The following ELF2 variants were observed in gnomAD, a reference collection of about 807,000 sequenced individuals.
ELF2 encodes the protein ETS-related transcription factor Elf-2.
In ELF2, 11 loss-of-function variants were observed where a neutral mutation model predicts 54.8. The ratio of observed to expected loss-of-function variants is 0.20; its 90% CI spans 0.13 to 0.33. ELF2 has a LOEUF of 0.33. Ranked by LOEUF, ELF2 falls within the 10% of genes least tolerant of loss-of-function variation. The pLI, the probability that ELF2 is intolerant of heterozygous loss-of-function variation, is 1.00. For synonymous variants in ELF2, 203 were observed against 245.1 expected (o/e 0.83, Z 1.61); for missense variants, 513 against 703.0 (o/e 0.73, Z 3.06).
chr4:139,169,272 C>A (rs933775761), intron 1 of ELF2, among the ~76,000 whole-genome samples: 1 of 148,810 alleles, frequency 6.7e-6, no homozygotes, highest in Non-Finnish European at 1.5e-5. Context: ...CACTTGAACC[C>A]GGGAGGCAGA....
At chr4:139,119,081 A>T (rs947733941) in intron 4 of ELF2, among the ~76,000 whole-genome samples, 3 of 152,220 alleles carry the variant, frequency 2.0e-5, no homozygotes, top group African/African-American at 7.2e-5. Context: ...ATCATATTTG[A>T]CTACTCTTTG....
At chr4:139,108,625 C>T (rs1487087005) in intron 4 of ELF2, among the ~76,000 whole-genome samples, 1 of 151,854 alleles carries the variant, frequency 6.6e-6, no homozygotes, top group African/African-American at 2.4e-5. Flanking sequence ...AAATTCTGTG[C>T]TTTCTAAAAA....
At chr4:139,143,296 A>T (rs1221977848) in intron 1 of ELF2, among the ~76,000 whole-genome samples, 1 of 152,176 alleles carries the variant, frequency 6.6e-6, no homozygotes, top group South Asian at 2.1e-4. Context: ...AATATCAGAG[A>T]TCTGTGCTCT....
At position 139,058,579 on chromosome 4, in the gene ELF2, T is replaced by C. The variant is rs1201379946; in HGVS notation, c.*404A>G. The C allele has an allele frequency of 6.0e-6, 1 of 165,712 alleles. No individual in the cohort carries two copies. Among genetic ancestry groups the C allele is most frequent in the Non-Finnish European group, 1.3e-5 (1 of 76,634 alleles). The allele number at this position is 165,712 out of a possible 1,614,324, so 10.3% of individuals were successfully genotyped here. ...GTGCGAACACAGTAATAATTGCTGG[T>C]ATGCATATAAAATGCATCAAAAATT... On this transcript the variant is annotated 3_prime_UTR_variant, in exon 10 of 10. Coordinates refer to ENST00000686138, the MANE Select transcript of ELF2 (RefSeq NM_001331036.3).
chr4:139,157,604 T>C (rs1192171908), intron 1 of ELF2, among the ~76,000 whole-genome samples: 1 of 152,056 alleles, frequency 6.6e-6, no homozygotes, highest in Non-Finnish European at 1.5e-5. Flanking sequence ...AGGGTCTCAT[T>C]TGTTGCCCAG....
intron 6 of ELF2, 128 bp from the exon 7 acceptor site, chr4:139,067,898 G>A: frequency 3.5e-6 from 3 of 852,746 alleles, no homozygotes; most frequent in East Asian, 5.1e-5. Context: ...TATACTCTAT[G>A]AAAAGCTGCT....
chr4:139,118,787 TG>T (rs1204711681), intron 4 of ELF2, among the ~76,000 whole-genome samples: 1 of 152,204 alleles, frequency 6.6e-6, no homozygotes, highest in African/African-American at 2.4e-5. Flanking sequence ...TGTCTATACT[TG>T]AAGTCACAGG....
At chr4:139,125,358 A>C (rs1312460544) in intron 3 of ELF2, 29 bp from the exon 4 acceptor site, 3 of 1,596,404 alleles carry the variant, frequency 1.9e-6, no homozygotes, top group Non-Finnish European at 2.6e-6. Flanking sequence ...AGAACAATCA[A>C]CCTTTGTATT....
chr4:139,123,323 A>G (rs985030771), intron 4 of ELF2, among the ~76,000 whole-genome samples: 3 of 152,172 alleles, frequency 2.0e-5, no homozygotes, highest in Non-Finnish European at 4.4e-5. Flanking sequence ...ATTATCAAAT[A>G]TTCAAAAACC....
At chr4:139,174,547 T>C (rs866238745) in intron 1 of ELF2, among the ~76,000 whole-genome samples, 1 of 152,082 alleles carries the variant, frequency 6.6e-6, no homozygotes, top group Non-Finnish European at 1.5e-5. Context: ...CGGCCCTCCA[T>C]ATCCATGAGT....
At chr4:139,101,402 G>T (rs1016377900) in intron 4 of ELF2, among the ~76,000 whole-genome samples, 2 of 152,198 alleles carry the variant, frequency 1.3e-5, no homozygotes, top group African/African-American at 4.8e-5. Context: ...ATAAGCACAA[G>T]AATTCAGTCT....
rs201421889 is a variant in ELF2, at chr4:139,084,212, G to A, written c.239-10645C>T. On this transcript the variant is annotated intron_variant, in intron 4 of 9. Coordinates refer to ENST00000686138, the MANE Select transcript of ELF2 (RefSeq NM_001331036.3). ...CCATGTTTATCCCGGGGCTGGAGCT[G>A]CTGCTTCACATTGACTTACACCGTG... The A allele has an allele frequency of 3.0e-4, 489 of 1,612,698 alleles. No individual in the cohort carries two copies. The African/African-American group carries it at 5.9e-3, about 19-fold the overall frequency.
intron 5 of ELF2, 94 bp from the exon 6 acceptor site, chr4:139,072,133 G>T: frequency 7.9e-7 from 1 of 1,261,632 alleles, no homozygotes; most frequent in Non-Finnish European, 1.1e-6. Context: ...GGTGTGTTAA[G>T]AATTAATCAA....
At chr4:139,137,278 T>A (rs1041873933) in intron 3 of ELF2, 11 of 206,482 alleles carry the variant, frequency 5.3e-5, no homozygotes, top group African/African-American at 2.1e-4. Flanking sequence ...TAACTTAGAA[T>A]GAATCTAATT....
chr4:139,131,948 AAGG>A (rs1737531778), intron 3 of ELF2, among the ~76,000 whole-genome samples: 1 of 152,190 alleles, frequency 6.6e-6, no homozygotes, highest in African/African-American at 2.4e-5. Context: ...GAGGGGGTGG[AAGG>A]AGGAGGAAAA....
chr4:139,072,520 G>A (rs927563500), intron 5 of ELF2, among the ~76,000 whole-genome samples: 2 of 152,116 alleles, frequency 1.3e-5, no homozygotes, highest in African/African-American at 4.8e-5. Context: ...GTTCATTTTA[G>A]AATATGAAAA....
chr4:139,070,144 T>C (rs1469232583), intron 6 of ELF2, among the ~76,000 whole-genome samples: 1 of 151,658 alleles, frequency 6.6e-6, no homozygotes, highest in Non-Finnish European at 1.5e-5. Flanking sequence ...CACCCAGCCT[T>C]GTAATTTTTA....
At chr4:139,106,830 G>A (rs1351423225) in intron 4 of ELF2, among the ~76,000 whole-genome samples, 5 of 142,014 alleles carry the variant, frequency 3.5e-5, no homozygotes, top group African/African-American at 5.3e-5. Flanking sequence ...TGCAACCTCC[G>A]CCTGCCAGGT....
intron 6 of ELF2, 107 bp downstream of exon 6, chr4:139,071,759 T>C (rs1361135054): frequency 2.9e-6 from 3 of 1,035,052 alleles, no homozygotes; most frequent in Middle Eastern, 3.3e-4. Flanking sequence ...TAAGATAACA[T>C]CAATCTTAAA....
Sources: allele counts gnomAD v4.1 joint callset (sites outside exome capture counted in the v4.1 genomes callset), GRCh38; gene constraint gnomAD v4.1.1; transcripts MANE v1.5; gene names NCBI Gene and HGNC (gene_info 2026-07-23, HGNC 2026-07-21).